Variants in SENP3 observed in about 807,000 individuals in gnomAD.
The protein encoded by SENP3 is sentrin-specific protease 3.
In SENP3, 11 loss-of-function variants were observed where a neutral mutation model predicts 66.2. The ratio of observed to expected loss-of-function variants is 0.17; its 90% confidence interval spans 0.10 to 0.28. SENP3 has a LOEUF of 0.28. SENP3 is among the 10% of genes least tolerant of loss of function. SENP3 has a pLI of 1.00. For synonymous variants in SENP3, 292 were observed against 277.6 expected, an observed-to-expected ratio of 1.05 and a Z score of -0.52; for missense variants, 548 against 743.7, an observed-to-expected ratio of 0.74 and a Z score of 3.06.
rs1308318905 is a variant in SENP3, at chr17:7,562,280, C to T, written c.-12+17C>T. ...CCGCTCCCGGTGAGGACGCCCCCTC[C>T]CCTCCCCCCAGCCCTGCCTTGGCCT... On this transcript the variant is annotated intron_variant, in intron 1 of 10. Transcript: ENST00000321337. The surrounding 1 kb of genome is among the most constrained non-coding windows in gnomAD (Gnocchi z 5.0). 2.5e-6 allele frequency: 1 copy of T among 398,238 alleles called. No individual in the cohort carries two copies. The highest frequency in any genetic ancestry group is 4.4e-6 in the Non-Finnish European group (1 of 225,750). The allele number at this position is 398,238 out of a possible 1,614,324, so 24.7% of individuals were successfully genotyped here. A position where few individuals can be genotyped will look rare whatever the true frequency, so the allele number is the denominator to read the frequency against.
In SENP3 at chr17:7,567,090, G is replaced by A. The variant is rs116784454; in HGVS notation, c.1341+86G>A. ...TTTTCTCTGAGCCCTTTCCCTGACC[G>A]TGTTCATTCAGTCTTTCAAAGATTA... On this transcript the variant is annotated intron_variant, in intron 7 of 10. Coordinates refer to ENST00000321337, the MANE Select transcript of SENP3 (RefSeq NM_015670.6). The A allele has an allele frequency of 6.3e-4, 564 of 891,856 alleles. 1 individual carries two copies. In the African/African-American group the frequency reaches 8.1e-3, roughly 13 times the overall value. The allele number at this position is 891,856 out of a possible 1,614,324, so 55.2% of individuals were successfully genotyped here.
chr17:7,565,343 G>T, intron 4 of SENP3, 97 bp from the exon 5 acceptor site: 2 of 1,446,522 alleles, frequency 1.4e-6, no homozygotes, highest in South Asian at 1.3e-5. Context: ...CCAGAAAAAA[G>T]GGAGTCAGTT....
intron 2 of SENP3, chr17:7,564,336 C>A: frequency 1.8e-6 from 1 of 547,050 alleles, no homozygotes; most frequent in Non-Finnish European, 3.4e-6. Flanking sequence ...GGGTGTTTGG[C>A]ATATAGTGGT....
Position 7,571,433 on chromosome 17 carries a change from C to CT in SENP3, c.1677dup (p.Arg560SerfsTer26). The stretch of plus-strand genomic sequence containing the variant: ...CTTCACCCAGCAGGACATGCCCAAA[C>CT]TTCGTCGGCAGATCTACAAGGAGCT... On this transcript the variant is annotated frameshift_variant, in exon 11 of 11. Coordinates refer to ENST00000321337, the MANE Select transcript of SENP3 (RefSeq NM_015670.6). LOFTEE classifies it high-confidence loss of function. The CT allele has an allele frequency of 6.2e-7, 1 of 1,610,018 alleles. No homozygotes were observed. Among genetic ancestry groups the CT allele is most frequent in the South Asian group, 1.1e-5 (1 of 90,506 alleles).
chr17:7,563,829 G>GGGGGGGGGT, intron 2 of SENP3, 38 bp downstream of exon 2: 1 of 1,417,624 alleles, frequency 7.1e-7, no homozygotes, highest in Non-Finnish European at 9.6e-7. Context: ...CGGGGGAGGG[G>GGGGGGGGGT]TTAGGGAGGG....
rs1183881406 is a variant in SENP3, at chr17:7,566,916, C to T, written c.1264-11C>T. On this transcript the variant is annotated splice_polypyrimidine_tract_variant and intron_variant, in intron 6 of 10. Transcript: ENST00000321337. ...TTAATTCCATTGAGCTTTTTTGTGT[C>T]ATTGGCACAGGTGCATTTCTTCAAT... 11 of 1,549,664 alleles carry T rather than the reference C, an allele frequency of 7.1e-6. No individual in the cohort carries two copies. The highest frequency in any genetic ancestry group is 8.8e-6 in the Non-Finnish European group (10 of 1,142,682).
Position 7,570,555 on chromosome 17 carries a change from GGAA to G in SENP3, c.1479+67_1479+69del, listed in dbSNP as rs751233670. 851 of 1,582,702 alleles carry G rather than the reference GGAA, an allele frequency of 5.4e-4. 2 individuals carry two copies. Among genetic ancestry groups the G allele is most frequent in the Middle Eastern group, 3.9e-3 (23 of 5,968 alleles). On this transcript the variant is annotated intron_variant, in intron 8 of 10. Transcript: ENST00000321337. This position sits in a 1 kb window ranked among gnomAD's most constrained non-coding sequence, Gnocchi z 5.4. Reference sequence around the variant, plus strand: ...GGCGGTGCAGTGGCAAGGCATTGCAGGAAGAAGGGTGGGCTTTGGGTCTTTGAG... The same window carrying G: ...GGCGGTGCAGTGGCAAGGCATTGCAGGAAGGGTGGGCTTTGGGTCTTTGAG...
In SENP3 at chr17:7,563,141, C is replaced by G; in HGVS notation, c.65C>G (p.Pro22Arg). 6.5e-7 allele frequency: 1 copy of G among 1,541,704 alleles called. No individual in the cohort carries two copies. The highest frequency in any genetic ancestry group is 1.4e-5 in the African/African-American group (1 of 72,652). ...GPEPPGPGIP[P>R]AYSSPRRERL... is the part of the protein sequence containing the mutation. The stretch of plus-strand genomic sequence containing the variant: ...GAGCCTCCTGGACCCGGCATACCCC[C>G]AGCTTACTCAAGTCCCAGGCGGGAG... The change falls in exon 2 of 11, where the codon CCA (proline) becomes CGA (arginine). Residue 22 changes from proline (P) to arginine (R), a missense_variant. By Grantham distance (103) the Pro-to-Arg change is moderately radical. Around this residue, in one of 6 missense-constraint regions of SENP3, gnomAD observed 164 missense variants for 167.9 expected, o/e 0.98. Transcript: ENST00000321337.
intron 10 of SENP3, 119 bp downstream of exon 10, chr17:7,571,052 GT>G: frequency 2.3e-6 from 2 of 859,308 alleles, no homozygotes; most frequent in Non-Finnish European, 1.8e-6. Context: ...GAAGTAATCT[GT>G]TTTAGAACAC....
intron 7 of SENP3, among the ~76,000 whole-genome samples, chr17:7,568,361 G>C (rs190534611): frequency 6.6e-6 from 1 of 152,376 alleles, no homozygotes; most frequent in African/African-American, 2.4e-5. Context: ...ACTTTGGGAG[G>C]CTGAGGCAGA....
In SENP3 at chr17:7,564,951, T is replaced by C. The variant is rs368149065; in HGVS notation, c.956-8T>C. ...GGCCTCACCCCCTCCTCTCTCCCTT[T>C]CCACCAGGCATCTTGGACGAATTCC... On this transcript the variant is annotated splice_region_variant and splice_polypyrimidine_tract_variant and intron_variant, in intron 3 of 10. Coordinates refer to ENST00000321337, the MANE Select transcript of SENP3 (RefSeq NM_015670.6). 4.1e-5 allele frequency: 66 copies of C among 1,612,096 alleles called. No individual in the cohort carries two copies. The African/African-American group carries it at 6.8e-4, about 17-fold the overall frequency.
intron 2 of SENP3, chr17:7,564,405 A>G (rs757392644): frequency 5.5e-6 from 4 of 727,712 alleles, no homozygotes; most frequent in Admixed American, 2.0e-5. Context: ...CTTCCTGTCT[A>G]TGAGTAGGAA....
At position 7,570,663 on chromosome 17, in the gene SENP3, T is replaced by C. The variant is rs766717783; in HGVS notation, c.1480-18T>C. On this transcript the variant is annotated intron_variant, in intron 8 of 10. Coordinates refer to ENST00000321337, the MANE Select transcript of SENP3 (RefSeq NM_015670.6). This position sits in a 1 kb window ranked among gnomAD's most constrained non-coding sequence, Gnocchi z 5.4. The stretch of plus-strand genomic sequence containing the variant: ...TGAGAAACTTAGGGCATCACTTTCT[T>C]TTCCCCCATCCACATAGCATATTGC... 9.9e-6 allele frequency: 16 copies of C among 1,609,648 alleles called. No homozygotes were observed. The Middle Eastern group carries it at 8.2e-4, about 83-fold the overall frequency.
At chr17:7,569,869 C>A (rs937703113) in intron 7 of SENP3, among the ~76,000 whole-genome samples, 1 of 152,190 alleles carries the variant, frequency 6.6e-6, no homozygotes, top group Non-Finnish European at 1.5e-5. Flanking sequence ...TTACTTTGTG[C>A]TGTGTCTTGT....
chr17:7,565,882 G>T (rs975442969), intron 6 of SENP3, 118 bp downstream of exon 6: 2 of 762,680 alleles, frequency 2.6e-6, no homozygotes, highest in Non-Finnish European at 4.3e-6. Context: ...AGGGAGAGAG[G>T]TGGTAGTGGT....
Position 7,570,450 on chromosome 17 carries a change from C to A in SENP3, c.1436C>A (p.Thr479Asn), listed in dbSNP as rs375279225. 1.9e-6 allele frequency: 3 copies of A among 1,613,738 alleles called. No homozygotes were observed. Among genetic ancestry groups the A allele is most frequent in the Non-Finnish European group, 2.5e-6 (3 of 1,179,870 alleles). ...ISVDVRRRTI[T>N]YFDSQRTLNR... ...GTTGATGTGAGGCGACGCACCATCA[C>A]CTATTTTGACTCGCAGCGTACCCTA... The change falls in exon 8 of 11, where the codon ACC becomes AAC. Residue 479 changes from threonine (T) to asparagine (N), a missense_variant. Transcript: ENST00000321337. This position sits in a 1 kb window ranked among gnomAD's most constrained non-coding sequence, Gnocchi z 5.4.
intron 10 of SENP3, 134 bp downstream of exon 10, chr17:7,571,067 A>C: frequency 1.3e-6 from 1 of 774,796 alleles, no homozygotes; most frequent in Non-Finnish European, 2.1e-6. Context: ...AGAACACCAA[A>C]ACACTGGCTT....
At chr17:7,567,519 C>CAA (rs556802728) in intron 7 of SENP3, among the ~76,000 whole-genome samples, 30 of 120,048 alleles carry the variant, frequency 2.5e-4, no homozygotes, top group African/African-American at 8.4e-4. Flanking sequence ...AACTCCGTCT[C>CAA]AAAAAAAAAA....
At chr17:7,566,739 GCAGA>G (rs1347547220) in intron 6 of SENP3, among the ~76,000 whole-genome samples, 184 bp from the exon 7 acceptor site, 2 of 151,986 alleles carry the variant, frequency 1.3e-5, no homozygotes, top group African/African-American at 2.4e-5. Flanking sequence ...GCCGAGGCAG[GCAGA>G]CAGACAGATT....
Sources: allele counts gnomAD v4.1 joint callset (sites outside exome capture counted in the v4.1 genomes callset), GRCh38; gene constraint gnomAD v4.1.1; regional missense constraint gnomAD v4.1.1; non-coding constraint Gnocchi (gnomAD v3.1); transcripts MANE v1.5; gene names NCBI Gene and HGNC (gene_info 2026-07-23, HGNC 2026-07-21).